The following KIAA0825 variants were observed in gnomAD, a reference collection of about 807,000 sequenced individuals.
KIAA0825 encodes uncharacterized protein KIAA0825.
In KIAA0825, 119 loss-of-function variants were observed where a neutral mutation model predicts 147.6. The ratio of observed to expected loss-of-function variants is 0.81; its 90% CI spans 0.69 to 0.94. The LOEUF is 0.94. Among genes scored for constraint, KIAA0825 ranks in the 40% least tolerant of loss-of-function variants. The pLI is 0.00. For missense variants in KIAA0825, 1,381 were observed against 1,472.7 expected (o/e 0.94, Z 1.02); for synonymous variants, 470 against 518.1 (o/e 0.91, Z 1.26).
intron 20 of KIAA0825, among the ~76,000 whole-genome samples, chr5:94,313,612 G>A (rs974869842): frequency 1.3e-4 from 4 of 31,922 alleles, no homozygotes; most frequent in African/African-American, 5.2e-4. Context: ...GAATAAGGGA[G>A]GTTTCTTTTT....
intron 10 of KIAA0825, among the ~76,000 whole-genome samples, chr5:94,466,200 TTCTTTATGTATTAC>T (rs1226589039): frequency 6.6e-6 from 1 of 152,204 alleles, no homozygotes; most frequent in Non-Finnish European, 1.5e-5. Flanking sequence ...CATTAGTATT[TTCTTTATGTATTAC>T]TCTTCTGGTA....
At chr5:94,163,480 T>G (rs1041649865) in intron 20 of KIAA0825, among the ~76,000 whole-genome samples, 1 of 152,178 alleles carries the variant, frequency 6.6e-6, no homozygotes, top group Non-Finnish European at 1.5e-5. Flanking sequence ...TTGCCTTGCT[T>G]CTTCTATCAG....
intron 20 of KIAA0825, among the ~76,000 whole-genome samples, chr5:94,157,097 C>A (rs1767100719): frequency 6.6e-6 from 1 of 152,150 alleles, no homozygotes; most frequent in Non-Finnish European, 1.5e-5. Context: ...TATTTAATAT[C>A]TGTGGTGGAA....
At chr5:94,507,933 G>C (rs1395108110) in intron 5 of KIAA0825, among the ~76,000 whole-genome samples, 1 of 152,158 alleles carries the variant, frequency 6.6e-6, no homozygotes, top group Non-Finnish European at 1.5e-5. Context: ...TCTGATCTTA[G>C]TGATATTCAC....
chr5:94,313,451 A>G (rs532403175), intron 20 of KIAA0825, among the ~76,000 whole-genome samples: 1 of 151,716 alleles, frequency 6.6e-6, no homozygotes, highest in African/African-American at 2.4e-5. Flanking sequence ...GTCAAATGCC[A>G]TACATTTAAA....
intron 18 of KIAA0825, among the ~76,000 whole-genome samples, chr5:94,390,172 T>G (rs1354752763): frequency 6.6e-6 from 1 of 152,092 alleles, no homozygotes; most frequent in Admixed American, 6.5e-5. Context: ...TGCTTATTGG[T>G]GATTATTGAG....
chr5:94,449,364 G>A (rs1758111060), intron 13 of KIAA0825, among the ~76,000 whole-genome samples: 2 of 152,160 alleles, frequency 1.3e-5, no homozygotes, highest in East Asian at 1.9e-4. Flanking sequence ...TTAAATGATA[G>A]TAAAATGGAC....
At chr5:94,420,729 G>C (rs10079983) in intron 14 of KIAA0825, among the ~76,000 whole-genome samples, 2,098 of 152,102 alleles carry the variant, frequency 0.014, 62 homozygotes, top group African/African-American at 0.049. Context: ...TAATACTAAA[G>C]AGGGAAGAAA....
At chr5:94,220,771 T>G (rs775437438) in intron 20 of KIAA0825, among the ~76,000 whole-genome samples, 10 of 152,200 alleles carry the variant, frequency 6.6e-5, no homozygotes, top group Non-Finnish European at 1.2e-4. Context: ...TCACTAAGAA[T>G]CTGTGATAAC....
chr5:94,414,599 A>G (rs1412322774), intron 15 of KIAA0825: 1 of 152,208 alleles, frequency 6.6e-6, no homozygotes. Flanking sequence ...TCTAAGTATA[A>G]AATCAGATTG....
At chr5:94,401,037 C>T (rs989303230) in intron 16 of KIAA0825, among the ~76,000 whole-genome samples, 1 of 151,972 alleles carries the variant, frequency 6.6e-6, no homozygotes, top group East Asian at 1.9e-4. Context: ...TTTGTAAGAA[C>T]CATGATTATA....
intron 2 of KIAA0825, among the ~76,000 whole-genome samples, chr5:94,564,898 CTTTTCTT>C (rs1369583284): frequency 1.3e-5 from 2 of 151,474 alleles, no homozygotes; most frequent in African/African-American, 4.9e-5. Context: ...TTTCTCTTTT[CTTTTCTT>C]TTTTCTTTTC....
At chr5:94,453,962 TAG>T (rs1169882690) in intron 12 of KIAA0825, among the ~76,000 whole-genome samples, 2 of 152,038 alleles carry the variant, frequency 1.3e-5, no homozygotes, top group Non-Finnish European at 2.9e-5. Flanking sequence ...CCTAAGGATC[TAG>T]AGAGGGCTTA....
At chr5:94,495,964 C>T (rs1764305312) in intron 5 of KIAA0825, among the ~76,000 whole-genome samples, 1 of 152,036 alleles carries the variant, frequency 6.6e-6, no homozygotes, top group African/African-American at 2.4e-5. Context: ...GTTTAATAAA[C>T]ACAAATATTT....
chr5:94,501,560 C>CT (rs1036850442), intron 5 of KIAA0825, among the ~76,000 whole-genome samples: 1 of 152,164 alleles, frequency 6.6e-6, no homozygotes, highest in South Asian at 2.1e-4. Context: ...ACTCCCATGC[C>CT]TTTTGTCCAG....
intron 16 of KIAA0825, among the ~76,000 whole-genome samples, chr5:94,400,789 T>C (rs1053103223): frequency 6.6e-6 from 1 of 152,176 alleles, no homozygotes; most frequent in African/African-American, 2.4e-5. Flanking sequence ...AAATCCACAC[T>C]GTAATCTTTA....
chr5:94,408,053 A>G (rs932708198), intron 15 of KIAA0825, among the ~76,000 whole-genome samples: 3 of 152,346 alleles, frequency 2.0e-5, no homozygotes, highest in South Asian at 2.1e-4. Flanking sequence ...AGTATCCACA[A>G]ATAATACGTA....
intron 2 of KIAA0825, among the ~76,000 whole-genome samples, chr5:94,543,835 A>G (rs1773820908): frequency 1.3e-5 from 2 of 152,220 alleles, no homozygotes; most frequent in South Asian, 2.1e-4. Context: ...CCTCACTGCT[A>G]CACTCCCATC....
chr5:94,162,269 A>T (rs1420348666), intron 20 of KIAA0825, among the ~76,000 whole-genome samples: 1 of 152,114 alleles, frequency 6.6e-6, no homozygotes, highest in African/African-American at 2.4e-5. Context: ...TCTCCAGGGA[A>T]CGCAATTGGA....
Sources: gnomAD v4.1 joint callset for allele counts (sites outside exome capture counted in the v4.1 genomes callset) on GRCh38, gnomAD v4.1.1 for gene constraint, MANE v1.5 for transcripts, NCBI Gene and HGNC (gene_info 2026-07-23, HGNC 2026-07-21) for gene names.